The following MORC4 variants were observed in gnomAD, a reference collection of about 807,000 sequenced individuals.
MORC4 encodes the protein MORC family CW-type zinc finger protein 4.
A neutral mutation model predicts 65.5 loss-of-function variants in MORC4; 22 were observed. The observed-to-expected ratio is 0.34, with a 90% confidence interval of 0.24 to 0.48. The LOEUF (loss-of-function observed/expected upper bound fraction) is 0.48, where lower values mean the gene tolerates loss of function less well. Among genes scored for constraint, MORC4 ranks in the 20% least tolerant of loss-of-function variants. The pLI, the probability that MORC4 is intolerant of heterozygous loss-of-function variation, is 0.99. For missense variants in MORC4, 624 were observed against 703.0 expected (o/e 0.89, Z 1.27); for synonymous variants, 267 against 255.8 (o/e 1.04, Z -0.42).
At chrX:106,969,124 T>C (rs1287213530) in intron 9 of MORC4, among the ~76,000 whole-genome samples, 1 of 111,224 alleles carries the variant, frequency 9.0e-6, no homozygotes, top group Admixed American at 9.5e-5. Flanking sequence ...CACAAAAAAC[T>C]CTCTCAGACC....
intron 2 of MORC4, among the ~76,000 whole-genome samples, chrX:106,994,081 T>C (rs1392873561): frequency 4.4e-5 from 5 of 112,631 alleles, no homozygotes; most frequent in Admixed American, 9.4e-5. Flanking sequence ...AAAAAATACA[T>C]AGGTTCACGA....
At chrX:106,981,553 G>GAA in intron 5 of MORC4, 76 bp from the exon 6 acceptor site, 6 of 890,425 alleles carry the variant, frequency 6.7e-6, no homozygotes, top group Non-Finnish European at 9.1e-6. Flanking sequence ...GAGCCCAAAA[G>GAA]AAAAAAAAAC....
chrX:106,968,339 C>T (rs972448113), intron 9 of MORC4, among the ~76,000 whole-genome samples: 2 of 111,079 alleles, frequency 1.8e-5, no homozygotes, highest in African/African-American at 6.6e-5. Context: ...ATAGGAACAA[C>T]TGGTACCAGC....
At chrX:106,953,339 C>T (rs1271355414) in intron 14 of MORC4, among the ~76,000 whole-genome samples, 1 of 111,892 alleles carries the variant, frequency 8.9e-6, no homozygotes, top group Non-Finnish European at 1.9e-5. Context: ...GGACAGTCTT[C>T]AAAAGCAAAG....
At chrX:106,973,534 A>G (rs1362156097) in intron 9 of MORC4, among the ~76,000 whole-genome samples, 1 of 112,061 alleles carries the variant, frequency 8.9e-6, no homozygotes, top group Non-Finnish European at 1.9e-5. Flanking sequence ...GAGAGAACAA[A>G]GGGCAGACTG....
At chrX:106,947,397 T>C (rs1458944810) in intron 14 of MORC4, among the ~76,000 whole-genome samples, 4 of 107,412 alleles carry the variant, frequency 3.7e-5, no homozygotes, top group African/African-American at 1.0e-4. Flanking sequence ...TAGTTCCTTG[T>C]TGATCTTCCT....
chrX:106,981,587 C>T (rs1934743461), intron 5 of MORC4, 110 bp from the exon 6 acceptor site: 1 of 678,418 alleles, frequency 1.5e-6, no homozygotes, highest in South Asian at 3.3e-5. Flanking sequence ...ACTCAGGTAT[C>T]TGTTTCTTTC....
chrX:106,945,759 T>C (rs924282781), intron 14 of MORC4, among the ~76,000 whole-genome samples: 4 of 111,275 alleles, frequency 3.6e-5, no homozygotes, highest in African/African-American at 1.3e-4. Context: ...TTCCTCTTAT[T>C]TTCTTTCTGC....
intron 14 of MORC4, among the ~76,000 whole-genome samples, chrX:106,947,217 G>A (rs1933850751): frequency 9.1e-6 from 1 of 109,753 alleles, no homozygotes; most frequent in Admixed American, 9.9e-5. Flanking sequence ...TTGTATGATT[G>A]TCAATATTTT....
intron 9 of MORC4, among the ~76,000 whole-genome samples, chrX:106,964,749 C>A (rs1357982792): frequency 8.9e-6 from 1 of 111,915 alleles, no homozygotes; most frequent in African/African-American, 3.2e-5. Context: ...GTGGCTCATG[C>A]CTGTAATCCC....
chrX:106,984,465 CTTTTTTTTTTT>C (rs762110163), intron 5 of MORC4, among the ~76,000 whole-genome samples: 1 of 71,388 alleles, frequency 1.4e-5, no homozygotes, highest in Non-Finnish European at 2.5e-5. Context: ...TTTCTTTTTT[CTTTTTTTTTTT>C]TTTTTTTTTT....
chrX:106,972,203 A>G (rs1283372769), intron 9 of MORC4, among the ~76,000 whole-genome samples: 1 of 111,517 alleles, frequency 9.0e-6, no homozygotes, highest in Non-Finnish European at 1.9e-5. Context: ...CATTCTCAGC[A>G]AACTATCACA....
At chrX:106,988,391 T>C (rs1227312956) in intron 3 of MORC4, among the ~76,000 whole-genome samples, 1 of 111,753 alleles carries the variant, frequency 8.9e-6, no homozygotes, top group Non-Finnish European at 1.9e-5. Context: ...CAAATTATGA[T>C]ACAAGGTTGA....
At chrX:106,950,869 A>T (rs1442711683) in intron 14 of MORC4, among the ~76,000 whole-genome samples, 1 of 112,315 alleles carries the variant, frequency 8.9e-6, no homozygotes, top group African/African-American at 3.2e-5. Context: ...TTCATAAAAT[A>T]GAGCTTGGAG....
rs1933654385 is a variant in MORC4, at chrX:106,940,797, T to C, written c.*682A>G. The C allele has an allele frequency of 8.9e-6, 1 of 112,127 alleles. No homozygotes were observed. Among genetic ancestry groups the C allele is most frequent in the Non-Finnish European group, 1.9e-5 (1 of 53,093 alleles). The allele number at this position is 112,127 out of a possible 1,213,427, so 9.2% of individuals were successfully genotyped here. ...AGAATAACAAGTTTAATATTGAAAA[T>C]CTGAAAAAGGCAGGAAGATAGGAAG... On this transcript the variant is annotated 3_prime_UTR_variant, in exon 17 of 17. Transcript: ENST00000355610.
intron 8 of MORC4, among the ~76,000 whole-genome samples, chrX:106,976,943 A>G (rs756045838): frequency 9.0e-6 from 1 of 111,442 alleles, no homozygotes; most frequent in South Asian, 3.8e-4. Flanking sequence ...ATTAGTAGCC[A>G]TCTCTACTTC....
Position 107,000,053 on chromosome X carries a change from G to GCCGC in MORC4, c.-85_-84insGCGG. 1 of 355,375 alleles carries GCCGC rather than the reference G, an allele frequency of 2.8e-6. No individual in the cohort carries two copies. Among genetic ancestry groups the GCCGC allele is most frequent in the Non-Finnish European group, 4.0e-6 (1 of 252,414 alleles). The allele number at this position is 355,375 out of a possible 1,213,427, so 29.3% of individuals were successfully genotyped here. On this transcript the variant is annotated 5_prime_UTR_variant, in exon 1 of 17. Coordinates refer to ENST00000355610, the MANE Select transcript of MORC4 (RefSeq NM_024657.5). ...GACTAGCCCTCGCTCACTTCCACTC[G>GCCGC]CAGCTGGCGGCGACCGTCCGGGACC... is the stretch of plus-strand genomic sequence containing the variant.
At chrX:106,997,706 T>C (rs931729847) in intron 2 of MORC4, among the ~76,000 whole-genome samples, 2 of 112,462 alleles carry the variant, frequency 1.8e-5, no homozygotes, top group Middle Eastern at 4.6e-3. Flanking sequence ...CTATCGTTTT[T>C]ACTATTTGTG....
intron 5 of MORC4, among the ~76,000 whole-genome samples, chrX:106,984,145 A>T (rs914389041): frequency 2.7e-5 from 3 of 109,752 alleles, no homozygotes; most frequent in African/African-American, 1.0e-4. Flanking sequence ...AATTAGCCAG[A>T]CATGGTGGCG....
Sources: allele counts gnomAD v4.1 joint callset (sites outside exome capture counted in the v4.1 genomes callset), GRCh38; gene constraint gnomAD v4.1.1; transcripts MANE v1.5; gene names NCBI Gene and HGNC (gene_info 2026-07-23, HGNC 2026-07-21).